Variants in SRRM3 observed in about 807,000 individuals in gnomAD.
SRRM3 encodes the protein serine/arginine repetitive matrix protein 3.
A neutral mutation model predicts 66.2 loss-of-function variants in SRRM3; 27 were observed. The ratio of observed to expected loss-of-function variants is 0.41; its 90% CI spans 0.30 to 0.56. The LOEUF (loss-of-function observed/expected upper bound fraction) is 0.56, where lower values mean the gene tolerates loss of function less well. Ranked by LOEUF, SRRM3 falls within the 20% of genes least tolerant of loss-of-function variation. SRRM3 has a pLI of 0.32. For synonymous variants in SRRM3, 391 were observed against 414.9 expected, an observed-to-expected ratio of 0.94 and a Z score of 0.70; for missense variants, 918 against 991.9, an observed-to-expected ratio of 0.93 and a Z score of 1.00.
At chr7:76,257,230 C>CG (rs1554607864) in intron 3 of SRRM3, among the ~76,000 whole-genome samples, 1 of 151,954 alleles carries the variant, frequency 6.6e-6, no homozygotes, top group South Asian at 2.1e-4. Flanking sequence ...AATGCTCTGC[C>CG]GATCCAAGCC....
chr7:76,248,462 G>A (rs1801495769), intron 3 of SRRM3, among the ~76,000 whole-genome samples, 173 bp downstream of exon 3: 1 of 152,088 alleles, frequency 6.6e-6, no homozygotes, highest in African/African-American at 2.4e-5. Context: ...CACTGGAAAT[G>A]CTGGCCTGGC....
intron 1 of SRRM3, among the ~76,000 whole-genome samples, chr7:76,226,149 A>T: frequency 6.6e-6 from 1 of 152,214 alleles, no homozygotes; most frequent in East Asian, 1.9e-4. Context: ...TGACTTTCCG[A>T]AACAGGCTGG....
At chr7:76,260,486 C>T (rs1228556192) in intron 5 of SRRM3, among the ~76,000 whole-genome samples, 1 of 145,814 alleles carries the variant, frequency 6.9e-6, no homozygotes, top group Non-Finnish European at 1.5e-5. Flanking sequence ...CGCCCCTCAC[C>T]GAGCCCCTCC....
At chr7:76,216,939 G>GC (rs1179804457) in intron 1 of SRRM3, among the ~76,000 whole-genome samples, 3 of 152,162 alleles carry the variant, frequency 2.0e-5, no homozygotes, top group African/African-American at 7.2e-5. Flanking sequence ...CTGAGGGGAT[G>GC]CCCCCCAGGC....
intron 1 of SRRM3, among the ~76,000 whole-genome samples, chr7:76,231,222 C>T (rs1230253295): frequency 1.5e-4 from 23 of 152,168 alleles, no homozygotes; most frequent in Non-Finnish European, 2.9e-5. Flanking sequence ...AGATTCCCAC[C>T]TGGTGCCTCT....
At chr7:76,272,869 G>A (rs1435922609) in intron 11 of SRRM3, among the ~76,000 whole-genome samples, 2 of 152,098 alleles carry the variant, frequency 1.3e-5, no homozygotes, top group African/African-American at 4.8e-5. Context: ...TACAGGAACA[G>A]AAAAAGGCAA....
chr7:76,210,381 A>G (rs1008652073), intron 1 of SRRM3, among the ~76,000 whole-genome samples: 5 of 152,100 alleles, frequency 3.3e-5, no homozygotes, highest in Non-Finnish European at 7.3e-5. Flanking sequence ...TCTGACACAT[A>G]TGTCATTCTC....
chr7:76,282,921 C>G, intron 13 of SRRM3, 43 bp from the exon 14 acceptor site: 2 of 1,307,482 alleles, frequency 1.5e-6, no homozygotes, highest in Non-Finnish European at 1.9e-6. Flanking sequence ...CGGGGTGGAG[C>G]GGCCGGGCCG....
chr7:76,231,388 T>C (rs540918519), intron 1 of SRRM3, among the ~76,000 whole-genome samples: 1 of 152,342 alleles, frequency 6.6e-6, no homozygotes, highest in South Asian at 2.1e-4. Context: ...CCAGGCGTTC[T>C]CCTAGCACTG....
At chr7:76,283,395 GGGTCTGGGTGGGCCGCAGCC>G (rs1554612307) in intron 14 of SRRM3, 1 of 541,492 alleles carries the variant, frequency 1.8e-6, no homozygotes, top group Non-Finnish European at 3.4e-6. Flanking sequence ...CTCTGTACTT[GGGTCTGGGTGGGCCGCAGCC>G]GGCATGGAAT....
At chr7:76,250,913 C>A (rs868917141) in intron 3 of SRRM3, among the ~76,000 whole-genome samples, 2 of 152,216 alleles carry the variant, frequency 1.3e-5, no homozygotes, top group Non-Finnish European at 2.9e-5. Context: ...TCACTACCCC[C>A]ACCCAGGGCC....
At chr7:76,261,315 C>T in intron 6 of SRRM3, 37 bp from the exon 7 acceptor site, 3 of 396,412 alleles carry the variant, frequency 7.6e-6, no homozygotes, top group African/African-American at 2.4e-5. Context: ...CCACCCCCCA[C>T]CCCAGCTCAC....
chr7:76,225,801 A>C (rs782290156), intron 1 of SRRM3, among the ~76,000 whole-genome samples: 4 of 152,232 alleles, frequency 2.6e-5, no homozygotes, highest in Non-Finnish European at 5.9e-5. Context: ...TTTCCCATGC[A>C]TTAGTCCTTT....
At chr7:76,267,218 C>T (rs1160015670) in intron 10 of SRRM3, 40 bp from the exon 11 acceptor site, 3 of 1,475,878 alleles carry the variant, frequency 2.0e-6, no homozygotes, top group South Asian at 1.4e-5. Flanking sequence ...AGCGGGTGTC[C>T]CACGCCGACT....
chr7:76,253,787 C>CA (rs782083114), intron 3 of SRRM3, among the ~76,000 whole-genome samples: 1,511 of 63,226 alleles, frequency 0.024, 10 homozygotes, highest in Middle Eastern at 0.078. Flanking sequence ...AACTCTGTTT[C>CA]AAAAAAAAAA....
chr7:76,235,019 G>T lies in SRRM3; in HGVS notation c.-39-9G>T. On this transcript the variant is annotated splice_polypyrimidine_tract_variant and intron_variant, in intron 1 of 14. Coordinates refer to ENST00000611745, the MANE Select transcript of SRRM3 (RefSeq NM_001110199.3). ...ACCATCCCGCCTCGTGTCTGTGTCT[G>T]TCCCTCAGGGCCAGCGGCCCAGGCC... The T allele has an allele frequency of 6.8e-7, 1 of 1,475,732 alleles. No individual in the cohort carries two copies. 91.4% of individuals were successfully genotyped at this position (1,475,732 alleles called of 1,614,324 possible).
At chr7:76,261,243 G>T (rs1554608656) in intron 6 of SRRM3, 109 bp from the exon 7 acceptor site, 2 of 864,188 alleles carry the variant, frequency 2.3e-6, no homozygotes, top group African/African-American at 3.4e-5. Context: ...TTCCTGGCCT[G>T]GAATTCCCTT....
intron 2 of SRRM3, among the ~76,000 whole-genome samples, chr7:76,246,590 GA>G (rs1801448626): frequency 6.6e-6 from 1 of 151,284 alleles, no homozygotes; most frequent in Non-Finnish European, 1.5e-5. Flanking sequence ...AAAAAAGAGA[GA>G]AAAGAAAAGT....
rs1486237073 is a variant in SRRM3 at position 76,285,838 on chromosome 7, T to A, written c.1957T>A (p.Phe653Ile). The change falls in exon 15 of 15, where the codon TTC becomes ATC. Residue 653 changes from phenylalanine (F) to isoleucine (I), a missense_variant. Physicochemically the swap from Phe to Ile is conservative, Grantham distance 21. Transcript: ENST00000611745. The surrounding 1 kb of genome is among the most constrained non-coding windows in gnomAD (Gnocchi z 4.1). Reference protein sequence around the residue: ...HSRSSSESGGF With the variant: ...HSRSSSESGGI ...CCGGAGCAGCTCTGAGAGCGGGGGC[T>A]TCTGAGCCCAGACAGACTCAGCTTG... 1 of 1,548,748 alleles carries A rather than the reference T, an allele frequency of 6.5e-7. No individual in the cohort carries two copies. Among genetic ancestry groups the A allele is most frequent in the African/African-American group, 1.4e-5 (1 of 73,022 alleles).
Sources: allele counts gnomAD v4.1 joint callset (sites outside exome capture counted in the v4.1 genomes callset), GRCh38; gene constraint gnomAD v4.1.1; non-coding constraint Gnocchi (gnomAD v3.1); transcripts MANE v1.5; gene names NCBI Gene and HGNC (gene_info 2026-07-23, HGNC 2026-07-21).